NAA20: variants seen among roughly 807,000 people sequenced by gnomAD.
NAA20 encodes the protein N-alpha-acetyltransferase 20.
In NAA20, 24 loss-of-function variants were observed where a neutral mutation model predicts 23.8. The observed-to-expected ratio is 1.01, with a 90% CI of 0.73 to 1.42. NAA20 has a LOEUF of 1.42. Ranked by LOEUF, NAA20 falls within the 40% of genes most tolerant of loss-of-function variation. NAA20 has a pLI of 0.00. For synonymous variants in NAA20, 83 were observed against 77.7 expected (o/e 1.07, Z -0.36); for missense variants, 166 against 223.1 (o/e 0.74, Z 1.63).
At chr20:20,028,425 G>A (rs375153807) in intron 4 of NAA20, among the ~76,000 whole-genome samples, 5 of 151,880 alleles carry the variant, frequency 3.3e-5, no homozygotes, top group East Asian at 3.9e-4. Flanking sequence ...ACCATGGCAC[G>A]CGTATACCTA....
intron 4 of NAA20, among the ~76,000 whole-genome samples, chr20:20,028,751 T>C (rs1174682098): frequency 6.6e-6 from 1 of 151,974 alleles, no homozygotes; most frequent in Non-Finnish European, 1.5e-5. Flanking sequence ...ATGTATACAT[T>C]AAAAATAGAA....
chr20:20,022,240 G>GA (rs1425500449), intron 1 of NAA20, among the ~76,000 whole-genome samples: 1 of 152,130 alleles, frequency 6.6e-6, no homozygotes, highest in Non-Finnish European at 1.5e-5. Context: ...GCAGTTAAGT[G>GA]AAAAAATATG....
At chr20:20,017,873 G>T in intron 1 of NAA20, 1 of 1,577,554 alleles carries the variant, frequency 6.3e-7, no homozygotes, top group Non-Finnish European at 8.6e-7. Context: ...TGGGCAGAGG[G>T]CACCGCCGAC....
intron 1 of NAA20, chr20:20,018,922 T>C: frequency 1.0e-6 from 1 of 985,396 alleles, no homozygotes; most frequent in South Asian, 4.7e-5. Context: ...TCTGGAGCAG[T>C]GGTTCTGAAA....
chr20:20,026,523 T>C (rs1352624763), intron 3 of NAA20, among the ~76,000 whole-genome samples: 4 of 151,850 alleles, frequency 2.6e-5, no homozygotes, highest in East Asian at 1.9e-4. Context: ...TTTTTTTTTT[T>C]CAAAATTAGT....
chr20:20,029,293 G>A (rs1392182354), intron 4 of NAA20, among the ~76,000 whole-genome samples: 1 of 151,996 alleles, frequency 6.6e-6, no homozygotes, highest in East Asian at 1.9e-4. Context: ...ATAAAAAAGG[G>A]TCACTGCATA....
At position 20,032,550 on chromosome 20, in the gene NAA20, C is replaced by T; in HGVS notation, c.348C>T (p.Asn116=). Residue 116 remains asparagine, a synonymous_variant, in exon 5 of 6, where the codon AAC becomes AAT. Transcript: ENST00000334982. ...TGGATCTCTTTGTAAGAGTATCTAA[C>T]CAAGTTGCAGTTAACATGTACAAGC... ...FFVDLFVRVS[N]QVAVNMYKQL... 1 of 1,613,212 alleles carries T rather than the reference C, an allele frequency of 6.2e-7. No individual in the cohort carries two copies. The highest frequency in any genetic ancestry group is 1.3e-5 in the African/African-American group (1 of 74,926).
chr20:20,017,410 G>C lies in NAA20; in HGVS notation c.14G>C (p.Arg5Pro), dbSNP rs545030567. The change falls in exon 1 of 6, where the codon CGG (arginine) becomes CCG (proline). Residue 5 changes from arginine (R) to proline (P), a missense_variant. By Grantham distance (103) the Arg-to-Pro change is moderately radical. Coordinates refer to ENST00000334982, the MANE Select transcript of NAA20 (RefSeq NM_016100.5). ...GGCGGCGGCGCGATGACCACGCTAC[G>C]GGCCTTTACCTGCGACGACCTGTTC... MTTL[R>P]AFTCDDLFRF... The C allele has an allele frequency of 1.9e-6, 3 of 1,611,950 alleles. No homozygotes were observed. Among genetic ancestry groups the C allele is most frequent in the East Asian group, 2.2e-5 (1 of 44,788 alleles).
chr20:20,031,217 G>A (rs2043341108), intron 4 of NAA20, among the ~76,000 whole-genome samples: 1 of 152,184 alleles, frequency 6.6e-6, no homozygotes, highest in African/African-American at 2.4e-5. Context: ...ACTGTAAAGA[G>A]TGAGACTATA....
At chr20:20,025,620 C>G (rs6035520) in intron 2 of NAA20, 57 bp from the exon 3 acceptor site, 6 of 1,316,188 alleles carry the variant, frequency 4.6e-6, no homozygotes, top group Non-Finnish European at 6.6e-6. Context: ...TACAATATCC[C>G]TTAATGAAGA....
chr20:20,022,725 C>T (rs2043278585), intron 2 of NAA20: 1 of 412,246 alleles, frequency 2.4e-6, no homozygotes. Context: ...CCCCTGCCAA[C>T]CTTGCCCCTC....
At chr20:20,033,021 T>C (rs2146471425) in intron 5 of NAA20, 81 bp from the exon 6 acceptor site, 1 of 1,127,972 alleles carries the variant, frequency 8.9e-7, no homozygotes, top group East Asian at 2.4e-5. Flanking sequence ...ATAAAACCTC[T>C]TATGGGAACT....
At chr20:20,017,631 G>A in intron 1 of NAA20, 182 bp downstream of exon 1, 1 of 1,303,770 alleles carries the variant, frequency 7.7e-7, no homozygotes, top group Non-Finnish European at 1.0e-6. Context: ...GGGAGAGGTG[G>A]GCCTGGAGTC....
At chr20:20,029,089 C>T (rs6112721) in intron 4 of NAA20, among the ~76,000 whole-genome samples, 281 of 152,116 alleles carry the variant, frequency 1.8e-3, no homozygotes, top group African/African-American at 6.5e-3. Flanking sequence ...CCACCATGCA[C>T]GGCCAGCTAT....
chr20:20,027,919 A>C (rs1292195331), intron 4 of NAA20, among the ~76,000 whole-genome samples: 1 of 152,164 alleles, frequency 6.6e-6, no homozygotes, highest in East Asian at 1.9e-4. Flanking sequence ...TTCTTTCTCC[A>C]CTGTAATTTC....
In NAA20 at chr20:20,026,834, G is replaced by A; in HGVS notation, c.220G>A (p.Val74Ile). 1.9e-6 allele frequency: 3 copies of A among 1,614,138 alleles called. No homozygotes were observed. The highest frequency in any genetic ancestry group is 1.7e-6 in the Non-Finnish European group (2 of 1,180,014). ...AGCTAGGGAAGAATGGCACGGGCAC[G>A]TCACAGCTCTGTCTGTTGCCCCAGA... Reference protein sequence around the residue: ...SVAREEWHGHVTALSVAPEFR... With the variant: ...SVAREEWHGHITALSVAPEFR... The change falls in exon 4 of 6, where the codon GTC becomes ATC. Residue 74 changes from valine (V) to isoleucine (I), a missense_variant. Val to Ile is a conservative substitution (Grantham distance 29). Coordinates refer to ENST00000334982, the MANE Select transcript of NAA20 (RefSeq NM_016100.5).
intron 1 of NAA20, chr20:20,018,291 A>G (rs1275328032): frequency 1.8e-6 from 1 of 568,916 alleles, no homozygotes; most frequent in Non-Finnish European, 3.1e-6. Context: ...GTGCTTTTAT[A>G]GACACTTTTC....
chr20:20,020,055 G>C (rs2043257132), intron 1 of NAA20, among the ~76,000 whole-genome samples: 1 of 152,222 alleles, frequency 6.6e-6, no homozygotes, highest in Non-Finnish European at 1.5e-5. Flanking sequence ...AGTGCCTACT[G>C]TGTGCCAGTT....
chr20:20,023,312 CA>C (rs377441191), intron 2 of NAA20, among the ~76,000 whole-genome samples: 161 of 115,670 alleles, frequency 1.4e-3, no homozygotes, highest in Admixed American at 2.9e-3. Flanking sequence ...GACTCCGTCT[CA>C]AAAAAAAAAA....
Sources: allele counts gnomAD v4.1 joint callset (sites outside exome capture counted in the v4.1 genomes callset), GRCh38; gene constraint gnomAD v4.1.1; transcripts MANE v1.5; gene names NCBI Gene and HGNC (gene_info 2026-07-23, HGNC 2026-07-21).